WDR19: variants seen among roughly 807,000 people sequenced by gnomAD.
WDR19 encodes WD repeat-containing protein 19.
WDR19 carries 121 observed loss-of-function variants against 180.0 expected under a neutral mutation model. That is an observed-to-expected ratio of 0.67 (90% confidence interval 0.58 to 0.78). The LOEUF (loss-of-function observed/expected upper bound fraction) is 0.78, where lower values mean the gene tolerates loss of function less well. WDR19 is among the 30% of genes least tolerant of loss of function. The pLI is 0.00. For synonymous variants in WDR19, 497 were observed against 540.7 expected (o/e 0.92, Z 1.12); for missense variants, 1,450 against 1,640.7 (o/e 0.88, Z 2.01).
chr4:39,242,147 C>G (rs1732023595), intron 21 of WDR19, among the ~76,000 whole-genome samples: 1 of 152,200 alleles, frequency 6.6e-6, no homozygotes, highest in African/African-American at 2.4e-5. Context: ...TCACTGCAGC[C>G]TCAAACTCCT....
In WDR19 at chr4:39,270,081, A is replaced by C. The variant is rs774806370; in HGVS notation, c.3464A>C (p.His1155Pro). The C allele has an allele frequency of 1.9e-5, 30 of 1,613,682 alleles. No individual in the cohort carries two copies. The highest frequency in any genetic ancestry group is 2.5e-5 in the Non-Finnish European group (29 of 1,179,860). The change falls in exon 31 of 37, where the codon CAC (histidine) becomes CCC (proline). Residue 1155 changes from histidine to proline, a missense_variant. Physicochemically the swap from His to Pro is moderately conservative, Grantham distance 77 (BLOSUM62 -2). Coordinates refer to ENST00000399820, the MANE Select transcript of WDR19 (RefSeq NM_025132.4). ...SEMATNLMILHSYILVKIHVK... is the reference protein window; with the variant it reads ...SEMATNLMILPSYILVKIHVK... ...ATGGCCACCAACCTCATGATTCTGC[A>C]CAGCTATATACTAGTAAAGGTGAGG...
intron 36 of WDR19, among the ~76,000 whole-genome samples, chr4:39,283,386 TG>T (rs1736775250): frequency 9.2e-6 from 1 of 108,908 alleles, no homozygotes; most frequent in South Asian, 2.5e-4. Flanking sequence ...AATTTTCCTC[TG>T]TTGTGTTTTT....
chr4:39,284,508 TTTTTC>T (rs1394696112), intron 36 of WDR19, among the ~76,000 whole-genome samples: 2 of 107,846 alleles, frequency 1.9e-5, no homozygotes, highest in African/African-American at 5.2e-5. Flanking sequence ...CCAGCTTTTT[TTTTTC>T]TTTTTTTTAG....
At chr4:39,271,206 T>C (rs992140358) in intron 31 of WDR19, among the ~76,000 whole-genome samples, 7 of 152,292 alleles carry the variant, frequency 4.6e-5, no homozygotes, top group South Asian at 2.1e-4. Context: ...CAGAAAAGAA[T>C]TTTTTAAAAA....
chr4:39,238,686 CA>C (rs1433273365), intron 20 of WDR19, among the ~76,000 whole-genome samples: 1 of 152,100 alleles, frequency 6.6e-6, no homozygotes, highest in Non-Finnish European at 1.5e-5. Context: ...GCTTCTTTTC[CA>C]AAAATGTCCT....
intron 15 of WDR19, among the ~76,000 whole-genome samples, chr4:39,226,494 A>G (rs1297926157): frequency 6.6e-6 from 1 of 152,202 alleles, no homozygotes; most frequent in Non-Finnish European, 1.5e-5. Context: ...TTCGGCCACT[A>G]GTCCAGTGGC....
chr4:39,269,260 T>G (rs542499273), intron 30 of WDR19, among the ~76,000 whole-genome samples: 2 of 152,104 alleles, frequency 1.3e-5, no homozygotes, highest in Non-Finnish European at 2.9e-5. Context: ...GGGTGTGACC[T>G]TGAGTTGTTT....
intron 3 of WDR19, among the ~76,000 whole-genome samples, chr4:39,187,224 TC>T (rs1351193490): frequency 6.6e-6 from 1 of 151,954 alleles, no homozygotes; most frequent in Non-Finnish European, 1.5e-5. Context: ...ATGGAGACCA[TC>T]CTGGCTAACA....
At chr4:39,256,713 A>G (rs545950634) in intron 27 of WDR19, among the ~76,000 whole-genome samples, 95 of 152,268 alleles carry the variant, frequency 6.2e-4, no homozygotes, top group African/African-American at 2.2e-3. Context: ...AGAAATTTCC[A>G]TAGTTTGACC....
rs1279152432 is a variant in WDR19, at chr4:39,244,455, C to T, written c.2563-15C>T. On this transcript the variant is annotated splice_polypyrimidine_tract_variant and intron_variant, in intron 22 of 36. Coordinates refer to ENST00000399820, the MANE Select transcript of WDR19 (RefSeq NM_025132.4). ...CATAATAACTTAGTATTTTAATAAT[C>T]CTGTCTTATTTTAGCAATTTTCAGA... 3 of 1,613,824 alleles carry T rather than the reference C, an allele frequency of 1.9e-6. No individual in the cohort carries two copies. Among genetic ancestry groups the T allele is most frequent in the Non-Finnish European group, 2.5e-6 (3 of 1,179,832 alleles).
intron 2 of WDR19, among the ~76,000 whole-genome samples, chr4:39,186,332 A>G (rs1445353664): frequency 1.3e-5 from 2 of 152,054 alleles, no homozygotes; most frequent in Non-Finnish European, 2.9e-5. Flanking sequence ...TACAAAAATT[A>G]GCCAGGTATG....
intron 17 of WDR19, among the ~76,000 whole-genome samples, chr4:39,230,313 A>T (rs1023085472): frequency 1.3e-5 from 2 of 152,020 alleles, no homozygotes; most frequent in Admixed American, 6.6e-5. Context: ...TTCTTTACCC[A>T]TCAGCGATAA....
chr4:39,255,375 C>G (rs1733647914), intron 26 of WDR19, among the ~76,000 whole-genome samples: 1 of 152,096 alleles, frequency 6.6e-6, no homozygotes, highest in African/African-American at 2.4e-5. Context: ...TATTGGGCCC[C>G]AACTCCCACG....
intron 9 of WDR19, among the ~76,000 whole-genome samples, chr4:39,209,075 C>T (rs954936580): frequency 6.6e-6 from 1 of 152,098 alleles, no homozygotes; most frequent in African/African-American, 2.4e-5. Flanking sequence ...TTTCAAGTGC[C>T]TGTGGAACAT....
At chr4:39,215,749 T>C (rs1458288329) in intron 10 of WDR19, 92 bp from the exon 11 acceptor site, 4 of 1,295,518 alleles carry the variant, frequency 3.1e-6, no homozygotes, top group Non-Finnish European at 4.1e-6. Flanking sequence ...TGAAAATTGT[T>C]ATGTCTCTGG....
chr4:39,276,110 A>G (rs1735865996), intron 33 of WDR19, among the ~76,000 whole-genome samples: 1 of 152,200 alleles, frequency 6.6e-6, no homozygotes, highest in Non-Finnish European at 1.5e-5. Flanking sequence ...AGACCCAGGT[A>G]CCTGAATCTT....
Position 39,195,375 on chromosome 4 carries a change from A to C in WDR19, c.406+716A>C, listed in dbSNP as rs930156883. 3.6e-3 allele frequency among the ~76,000 whole-genome samples: 471 copies of C among 131,698 alleles called. 4 individuals carry two copies. Among genetic ancestry groups the C allele is most frequent in the Middle Eastern group, 7.4e-3 (2 of 270 alleles). 86.4% of individuals were successfully genotyped at this position (131,698 alleles called of 152,430 possible). A position where few individuals can be genotyped will look rare whatever the true frequency, so the allele number is the denominator to read the frequency against. ...GAGTGAGACTTCATCTCAAAAAAAA[A>C]AAACAAAAAAACAAACAAACAAAAA... On this transcript the variant is annotated intron_variant, in intron 5 of 36. Transcript: ENST00000399820.
At chr4:39,203,845 C>T in intron 7 of WDR19, 123 bp downstream of exon 7, 2 of 959,540 alleles carry the variant, frequency 2.1e-6, no homozygotes, top group Non-Finnish European at 1.6e-6. Context: ...GTATTTTAAG[C>T]CAAGGTAGAG....
intron 4 of WDR19, among the ~76,000 whole-genome samples, chr4:39,191,505 T>C (rs1293618592): frequency 6.6e-6 from 1 of 152,240 alleles, no homozygotes; most frequent in Non-Finnish European, 1.5e-5. Flanking sequence ...TAAAAATATA[T>C]TAATTCAATG....
Sources: gnomAD v4.1 joint callset for allele counts (sites outside exome capture counted in the v4.1 genomes callset) on GRCh38, gnomAD v4.1.1 for gene constraint, MANE v1.5 for transcripts, NCBI Gene and HGNC (gene_info 2026-07-23, HGNC 2026-07-21) for gene names.